The following WWOX variants were observed in gnomAD, a reference collection of about 807,000 sequenced individuals.
The protein encoded by WWOX is WW domain containing oxidoreductase, also known as WW domain-containing oxidoreductase.
In WWOX, 69 loss-of-function variants were observed where a neutral mutation model predicts 46.2. The ratio of observed to expected loss-of-function variants is 1.49; its 90% CI spans 1.23 to 1.82. The LOEUF (loss-of-function observed/expected upper bound fraction) is 1.82. Ranked by LOEUF, WWOX falls within the 40% of genes most tolerant of loss-of-function variation. The pLI, the probability that WWOX is intolerant of heterozygous loss-of-function variation, is 0.00. For synonymous variants in WWOX, 359 were observed against 202.6 expected (o/e 1.77, Z -6.56); for missense variants, 919 against 542.6 (o/e 1.69, Z -6.89).
At chr16:78,319,860 C>T (rs1459874084) in intron 5 of WWOX, among the ~76,000 whole-genome samples, 4 of 152,118 alleles carry the variant, frequency 2.6e-5, no homozygotes, top group South Asian at 2.1e-4. Context: ...TCAGGCATCA[C>T]CTCACGCGTC....
chr16:78,887,865 C>A (rs1302352211), intron 8 of WWOX, among the ~76,000 whole-genome samples: 2 of 152,128 alleles, frequency 1.3e-5, no homozygotes, highest in African/African-American at 2.4e-5. Context: ...GGTTCATGTC[C>A]TGGTGTTCAT....
At chr16:78,648,702 C>G (rs932961115) in intron 8 of WWOX, among the ~76,000 whole-genome samples, 2 of 152,192 alleles carry the variant, frequency 1.3e-5, no homozygotes, top group Admixed American at 6.5e-5. Context: ...TGTCCACAGC[C>G]TCCAATCGGA....
chr16:78,881,509 C>T (rs542397583), intron 8 of WWOX, among the ~76,000 whole-genome samples: 1 of 152,154 alleles, frequency 6.6e-6, no homozygotes, highest in South Asian at 2.1e-4. Flanking sequence ...CAAACAATTT[C>T]GGAGGGCCAA....
chr16:78,545,768 G>C (rs780170500), intron 8 of WWOX, among the ~76,000 whole-genome samples: 3 of 152,112 alleles, frequency 2.0e-5, no homozygotes, highest in Non-Finnish European at 4.4e-5. Flanking sequence ...GTTGCTGGCA[G>C]GGTCTCTCTG....
At chr16:78,906,313 A>T (rs2044962999) in intron 8 of WWOX, among the ~76,000 whole-genome samples, 1 of 152,198 alleles carries the variant, frequency 6.6e-6, no homozygotes, top group Non-Finnish European at 1.5e-5. Flanking sequence ...TTGGCCTTGA[A>T]TAAGATGACT....
intron 8 of WWOX, among the ~76,000 whole-genome samples, chr16:79,177,434 C>G (rs944639949): frequency 4.6e-5 from 7 of 152,202 alleles, no homozygotes; most frequent in African/African-American, 7.2e-5. Flanking sequence ...CTTTTACACA[C>G]TTCCGCTAAC....
intron 8 of WWOX, among the ~76,000 whole-genome samples, chr16:78,642,583 C>T (rs1266802625): frequency 6.6e-6 from 1 of 152,132 alleles, no homozygotes; most frequent in Non-Finnish European, 1.5e-5. Flanking sequence ...GATGAGATTT[C>T]CGGGCAAGTT....
chr16:78,651,378 T>C (rs1261682550), intron 8 of WWOX, among the ~76,000 whole-genome samples: 1 of 152,208 alleles, frequency 6.6e-6, no homozygotes, highest in Non-Finnish European at 1.5e-5. Flanking sequence ...TATCTGTGGA[T>C]GTCAGGTTGA....
chr16:78,616,419 C>T (rs563570710), intron 8 of WWOX, among the ~76,000 whole-genome samples: 16 of 152,162 alleles, frequency 1.1e-4, no homozygotes, highest in African/African-American at 3.6e-4. Flanking sequence ...AGGTGTCCAT[C>T]TTGCTATTTT....
chr16:78,512,368 G>A (rs117916968), intron 8 of WWOX, among the ~76,000 whole-genome samples: 262 of 152,224 alleles, frequency 1.7e-3, no homozygotes, highest in Non-Finnish European at 3.4e-3. Flanking sequence ...TTTATTTCCA[G>A]AATTCAATTT....
rs1262206609 is a variant in WWOX, at chr16:78,344,379, C to T, written c.517-42481C>T. 1.7e-5 allele frequency among the ~76,000 whole-genome samples: 2 copies of T among 120,684 alleles called. 1 individual carries two copies. Among genetic ancestry groups the T allele is most frequent in the Non-Finnish European group, 4.0e-5 (2 of 50,534 alleles). 79.2% of individuals were successfully genotyped at this position (120,684 alleles called of 152,430 possible). On this transcript the variant is annotated intron_variant, in intron 5 of 8. Coordinates refer to ENST00000566780, the MANE Select transcript of WWOX (RefSeq NM_016373.4). ...AAGGTATTTGCTTAAATAAATAGGCCATATAAATCTAGCTCCCAATGTCCA... is the reference window on the plus strand; with the variant it reads ...AAGGTATTTGCTTAAATAAATAGGCTATATAAATCTAGCTCCCAATGTCCA...
At chr16:78,755,197 C>T (rs1265055698) in intron 8 of WWOX, among the ~76,000 whole-genome samples, 2 of 148,900 alleles carry the variant, frequency 1.3e-5, no homozygotes, top group Admixed American at 6.7e-5. Context: ...CACATGTATC[C>T]CAGAACTTAA....
At chr16:78,516,888 A>G (rs1257392642) in intron 8 of WWOX, among the ~76,000 whole-genome samples, 1 of 152,230 alleles carries the variant, frequency 6.6e-6, no homozygotes, top group Non-Finnish European at 1.5e-5. Context: ...GAACTGTAAG[A>G]AAAAGATCAA....
intron 6 of WWOX, among the ~76,000 whole-genome samples, chr16:78,399,197 G>A (rs1030618640): frequency 1.3e-5 from 2 of 152,250 alleles, no homozygotes; most frequent in South Asian, 2.1e-4. Flanking sequence ...CGGAAGAAGA[G>A]GGAAGAACAA....
intron 8 of WWOX, among the ~76,000 whole-genome samples, chr16:78,456,024 T>C (rs1026815133): frequency 3.9e-5 from 6 of 152,218 alleles, no homozygotes; most frequent in Non-Finnish European, 7.3e-5. Context: ...CTGATTCTAC[T>C]TTTGTTACTA....
chr16:78,471,142 A>G (rs1267055832), intron 8 of WWOX, among the ~76,000 whole-genome samples: 2 of 152,224 alleles, frequency 1.3e-5, no homozygotes, highest in African/African-American at 2.4e-5. Flanking sequence ...GGAAAAGTCA[A>G]AAGAATGACA....
At chr16:79,001,207 G>A (rs116266239) in intron 8 of WWOX, among the ~76,000 whole-genome samples, 1,527 of 152,226 alleles carry the variant, frequency 0.01, 25 homozygotes, top group African/African-American at 0.034. Flanking sequence ...ATGCAGTCTC[G>A]AGGAACGGAG....
intron 6 of WWOX, among the ~76,000 whole-genome samples, chr16:78,406,824 C>G (rs1323590238): frequency 6.6e-6 from 1 of 152,054 alleles, no homozygotes; most frequent in Non-Finnish European, 1.5e-5. Flanking sequence ...ATGGGTTTCA[C>G]TGTGTTGGCT....
intron 4 of WWOX, among the ~76,000 whole-genome samples, chr16:78,154,446 T>C (rs2034526604): frequency 6.6e-6 from 1 of 151,622 alleles, no homozygotes; most frequent in African/African-American, 2.4e-5. Context: ...GTTGTATTCA[T>C]GTGATTTATT....
Sources: gnomAD v4.1 joint callset for allele counts (sites outside exome capture counted in the v4.1 genomes callset) on GRCh38, gnomAD v4.1.1 for gene constraint, MANE v1.5 for transcripts, NCBI Gene and HGNC (gene_info 2026-07-23, HGNC 2026-07-21) for gene names.